MED12L: variants seen among roughly 807,000 people sequenced by gnomAD.
The protein encoded by MED12L is mediator of RNA polymerase II transcription subunit 12-like protein.
In MED12L, 60 loss-of-function variants were observed where a neutral mutation model predicts 281.3. The observed-to-expected ratio is 0.21, with a 90% CI of 0.17 to 0.26. The LOEUF (loss-of-function observed/expected upper bound fraction) is 0.26. Ranked by LOEUF, MED12L falls within the 10% of genes least tolerant of loss-of-function variation. MED12L has a pLI of 1.00. For missense variants in MED12L, 2,146 were observed against 2,680.9 expected (o/e 0.80, Z 4.41); for synonymous variants, 974 against 987.2 (o/e 0.99, Z 0.25).
chr3:151,395,196 T>C (rs976305870), intron 39 of MED12L, among the ~76,000 whole-genome samples: 3 of 152,222 alleles, frequency 2.0e-5, no homozygotes, highest in Admixed American at 6.5e-5. Flanking sequence ...TTTTCTATTA[T>C]AATTACCACC....
In MED12L at chr3:151,310,637, G is replaced by GA. The variant is rs1747376442; in HGVS notation, c.2251-39421dup. 2.6e-5 allele frequency among the ~76,000 whole-genome samples: 4 copies of GA among 152,292 alleles called. No homozygotes were observed. The South Asian group carries it at 8.3e-4, about 32-fold the overall frequency. ...TTAAGGCCCAACACCATCTGATAGG[G>GA]ATGAATGCATTTGGTGAACTAATTT... On this transcript the variant is annotated intron_variant, in intron 16 of 44. Coordinates refer to ENST00000687756, the MANE Select transcript of MED12L (RefSeq NM_001393769.1).
chr3:151,105,268 T>C (rs977459439), intron 2 of MED12L, among the ~76,000 whole-genome samples: 2 of 152,200 alleles, frequency 1.3e-5, no homozygotes, highest in African/African-American at 4.8e-5. Flanking sequence ...CCTTGTGTGA[T>C]TAAAACATGC....
chr3:151,232,003 C>T (rs1398210338), intron 16 of MED12L, among the ~76,000 whole-genome samples: 1 of 152,116 alleles, frequency 6.6e-6, no homozygotes. Flanking sequence ...CATGTATACA[C>T]ACACGTGTGT....
At chr3:151,317,222 A>G (rs1331838468) in intron 16 of MED12L, among the ~76,000 whole-genome samples, 1 of 152,114 alleles carries the variant, frequency 6.6e-6, no homozygotes, top group East Asian at 1.9e-4. Flanking sequence ...GGAAACTTGT[A>G]GTCTTATGAA....
chr3:151,261,136 G>A (rs1422337280), intron 16 of MED12L, among the ~76,000 whole-genome samples: 1 of 151,854 alleles, frequency 6.6e-6, no homozygotes, highest in Non-Finnish European at 1.5e-5. Context: ...AATAAGAGGG[G>A]GTGCAATTTT....
In MED12L at chr3:151,199,040, A is replaced by G. The variant is rs904445995; in HGVS notation, c.2250+5374A>G. 2.5e-6 allele frequency: 4 copies of G among 1,614,046 alleles called. No individual in the cohort carries two copies. In the African/African-American group the frequency reaches 4.0e-5, roughly 16 times the overall value. ...TCGGTAGATCTTGCAGCTGTGTGTCAGCTGAAGACAGCGGTCAATGCTGAC... is the reference window on the plus strand; with the variant it reads ...TCGGTAGATCTTGCAGCTGTGTGTCGGCTGAAGACAGCGGTCAATGCTGAC... On this transcript the variant is annotated intron_variant, in intron 16 of 44. Coordinates refer to ENST00000687756, the MANE Select transcript of MED12L (RefSeq NM_001393769.1).
intron 5 of MED12L, among the ~76,000 whole-genome samples, chr3:151,141,187 G>GTTTTTTTTTTTTTTGTTTTTTTTTTT (rs76965310): frequency 1.4e-4 from 14 of 99,112 alleles, no homozygotes; most frequent in African/African-American, 5.7e-4. Context: ...TGTTTTTTTT[G>GTTTTTTTTTTTTTTGTTTTTTTTTTT]TTTTTTTTTT....
At chr3:151,263,765 C>A (rs964112831) in intron 16 of MED12L, among the ~76,000 whole-genome samples, 2 of 34,372 alleles carry the variant, frequency 5.8e-5, no homozygotes, top group Non-Finnish European at 1.1e-4. Context: ...CCCGTACCAC[C>A]CCCCCCACTT....
At chr3:151,430,430 A>G (rs1257975604) in intron 44 of MED12L, 50 bp downstream of exon 44, 4 of 1,607,424 alleles carry the variant, frequency 2.5e-6, no homozygotes, top group Non-Finnish European at 3.4e-6. Flanking sequence ...AAAATTAAAA[A>G]TAAGCCAGCG....
chr3:151,251,442 T>C (rs1736836790), intron 16 of MED12L, among the ~76,000 whole-genome samples: 2 of 152,168 alleles, frequency 1.3e-5, no homozygotes, highest in African/African-American at 4.8e-5. Flanking sequence ...TCAGGTCATT[T>C]TTTGTCTGTG....
chr3:151,195,251 GTTAT>G (rs1014678814), intron 16 of MED12L, among the ~76,000 whole-genome samples: 3 of 152,202 alleles, frequency 2.0e-5, no homozygotes, highest in Non-Finnish European at 2.9e-5. Flanking sequence ...ATTCTGTTAA[GTTAT>G]TTATTTATTT....
intron 16 of MED12L, chr3:151,328,010 T>C: frequency 6.3e-7 from 1 of 1,576,844 alleles, no homozygotes; most frequent in Non-Finnish European, 8.6e-7. Context: ...GGTTATGTTG[T>C]CTGTCTGACT....
chr3:151,283,434 G>T (rs1743076565), intron 16 of MED12L, among the ~76,000 whole-genome samples: 1 of 152,178 alleles, frequency 6.6e-6, no homozygotes, highest in South Asian at 2.1e-4. Context: ...TTTTTGGAAA[G>T]ATGCTGAGGA....
chr3:151,094,345 G>A (rs1426782156), intron 2 of MED12L, among the ~76,000 whole-genome samples: 1 of 152,160 alleles, frequency 6.6e-6, no homozygotes, highest in Admixed American at 6.5e-5. Flanking sequence ...CATGATGAAA[G>A]ATGTTAAAAT....
rs1313456034 is a variant in MED12L at position 151,433,936 on chromosome 3, T to G, written c.*1132T>G. 1 of 152,658 alleles carries G rather than the reference T, an allele frequency of 6.6e-6. No individual in the cohort carries two copies. Among genetic ancestry groups the G allele is most frequent in the Non-Finnish European group, 1.5e-5 (1 of 68,042 alleles). The allele number at this position is 152,658 out of a possible 1,614,324, so 9.5% of individuals were successfully genotyped here. On this transcript the variant is annotated 3_prime_UTR_variant, in exon 45 of 45. Coordinates refer to ENST00000687756, the MANE Select transcript of MED12L (RefSeq NM_001393769.1). ...AAATTTATTATAAAGAAATAGTAACTATTTTAACTTTGTTCAAGTATGTGG... is the reference window on the plus strand; with the variant it reads ...AAATTTATTATAAAGAAATAGTAACGATTTTAACTTTGTTCAAGTATGTGG...
intron 16 of MED12L, among the ~76,000 whole-genome samples, chr3:151,271,783 C>T (rs543280074): frequency 2.7e-4 from 41 of 152,214 alleles, no homozygotes; most frequent in African/African-American, 8.9e-4. Flanking sequence ...GACTATGTAC[C>T]TTGTGATTCC....
At chr3:151,339,158 T>C (rs1751453142) in intron 16 of MED12L, among the ~76,000 whole-genome samples, 1 of 152,182 alleles carries the variant, frequency 6.6e-6, no homozygotes, top group Non-Finnish European at 1.5e-5. Flanking sequence ...AGCTCACTCA[T>C]ATTTATATGC....
In MED12L at chr3:151,087,034, G is replaced by T; in HGVS notation, c.99+9G>T. ...ACCCCAAGCAGAAGGAGGTAAGGGC[G>T]CCGGCGGCCTCCCCGGCAACCGGGG... On this transcript the variant is annotated intron_variant, in intron 2 of 44. Coordinates refer to ENST00000687756, the MANE Select transcript of MED12L (RefSeq NM_001393769.1). 4 of 1,597,670 alleles carry T rather than the reference G, an allele frequency of 2.5e-6. No homozygotes were observed. The highest frequency in any genetic ancestry group is 1.1e-5 in the South Asian group (1 of 89,236).
intron 33 of MED12L, 30 bp from the exon 34 acceptor site, chr3:151,383,749 G>A (rs779845862): frequency 7.0e-7 from 1 of 1,429,970 alleles, no homozygotes; most frequent in Admixed American, 1.9e-5. Flanking sequence ...TTTACAGAAT[G>A]CAAATATCTT....
Sources: allele counts gnomAD v4.1 joint callset (sites outside exome capture counted in the v4.1 genomes callset), GRCh38; gene constraint gnomAD v4.1.1; transcripts MANE v1.5; gene names NCBI Gene and HGNC (gene_info 2026-07-23, HGNC 2026-07-21).